Variants in PPT1 observed in about 807,000 individuals in gnomAD.
The protein encoded by PPT1 is ceroid-palmitoyl-palmitoyl-protein thioesterase 1.
Under a neutral mutation model 44.0 loss-of-function variants are expected in PPT1, and 24 were observed. That is an observed-to-expected ratio of 0.54 (90% confidence interval 0.39 to 0.77). The LOEUF (loss-of-function observed/expected upper bound fraction) is 0.77. Ranked by LOEUF, PPT1 falls within the 30% of genes least tolerant of loss-of-function variation. The pLI is 0.00. For synonymous variants in PPT1, 148 were observed against 140.2 expected, an observed-to-expected ratio of 1.06 and a Z score of -0.39; for missense variants, 341 against 378.8, an observed-to-expected ratio of 0.90 and a Z score of 0.83.
At chr1:40,075,958 CAAAAAAAAAAAAAA>C (rs56338772) in intron 8 of PPT1, among the ~76,000 whole-genome samples, 16 of 41,832 alleles carry the variant, frequency 3.8e-4, no homozygotes, top group Admixed American at 4.4e-4. Flanking sequence ...AAGACTGTCT[CAAAAAAAAAAAAAA>C]AAAAAAAAAA....
At chr1:40,071,954 G>C, downstream of PPT1, 1 of 409,352 alleles carries the variant, frequency 2.4e-6, no homozygotes, top group East Asian at 3.5e-5. Context: ...AGAAGCTGGT[G>C]TGTTTCCAGA....
intron 7 of PPT1, 46 bp downstream of exon 7, chr1:40,078,514 T>G: frequency 6.4e-7 from 1 of 1,570,076 alleles, no homozygotes; most frequent in Non-Finnish European, 8.8e-7. Flanking sequence ...CAGCCCTATT[T>G]TAATGCCATT....
chr1:40,072,194 A>G (rs1344855592), downstream of PPT1: 1 of 387,530 alleles, frequency 2.6e-6, no homozygotes, highest in Non-Finnish European at 4.5e-6. Flanking sequence ...GGAGTCTTGG[A>G]CCCTTTCTTT....
At chr1:40,080,520 C>G in intron 5 of PPT1, 33 bp from the exon 6 acceptor site, 1 of 1,600,840 alleles carries the variant, frequency 6.2e-7, no homozygotes, top group Non-Finnish European at 8.6e-7. Context: ...GGTGATCAAG[C>G]TACAGGTCAG....
chr1:40,072,401 A>G, downstream of PPT1: 1 of 250,616 alleles, frequency 4.0e-6, no homozygotes, highest in Non-Finnish European at 7.5e-6. Flanking sequence ...GCACCTGAAC[A>G]GAGGACTGAA....
intron 5 of PPT1, among the ~76,000 whole-genome samples, chr1:40,082,662 G>C (rs1192963750): frequency 6.6e-6 from 1 of 152,222 alleles, no homozygotes; most frequent in Non-Finnish European, 1.5e-5. Flanking sequence ...TGTGAAGCTA[G>C]CAGAGGTTGG....
chr1:40,085,546 C>T (rs543569571), intron 5 of PPT1, among the ~76,000 whole-genome samples: 1 of 152,226 alleles, frequency 6.6e-6, no homozygotes, highest in African/African-American at 2.4e-5. Context: ...AAAAACCCAC[C>T]GACCCTGTGG....
intron 7 of PPT1, among the ~76,000 whole-genome samples, chr1:40,077,251 C>T (rs754060146): frequency 1.4e-4 from 22 of 152,150 alleles, no homozygotes; most frequent in Non-Finnish European, 2.5e-4. Context: ...TTGCAAGGCA[C>T]GGAAACAATT....
intron 3 of PPT1, 124 bp downstream of exon 3, chr1:40,091,921 C>T: frequency 1.6e-6 from 2 of 1,218,496 alleles, no homozygotes; most frequent in Non-Finnish European, 2.3e-6. Flanking sequence ...TACACAGGAA[C>T]ATTTTAGGAA....
At position 40,073,689 on chromosome 1, in the gene PPT1, T is replaced by C. The variant is rs1648401936; in HGVS notation, c.*372A>G. The C allele has an allele frequency of 4.1e-6, 1 of 244,614 alleles. No individual in the cohort carries two copies. The highest frequency in any genetic ancestry group is 8.2e-6 in the Non-Finnish European group (1 of 121,926). 15.2% of individuals were successfully genotyped at this position (244,614 alleles called of 1,614,324 possible). On this transcript the variant is annotated 3_prime_UTR_variant, in exon 9 of 9. Coordinates refer to ENST00000642050, the MANE Select transcript of PPT1 (RefSeq NM_000310.4). ...CCTGGGCACCTCTTTGCTTGAAATATGGCAAGACTTGGAAAAATGTTTGCC... is the reference window on the plus strand; with the variant it reads ...CCTGGGCACCTCTTTGCTTGAAATACGGCAAGACTTGGAAAAATGTTTGCC...
intron 5 of PPT1, among the ~76,000 whole-genome samples, chr1:40,088,348 T>G (rs1649372657): frequency 6.6e-6 from 1 of 152,160 alleles, no homozygotes; most frequent in Non-Finnish European, 1.5e-5. Context: ...GATTTCACCA[T>G]GTTGGTTAGG....
At position 40,092,135 on chromosome 1, in the gene PPT1, T is replaced by G. The variant is rs386833639; in HGVS notation, c.272A>C (p.Gln91Pro). 5 of 1,613,994 alleles carry G rather than the reference T, an allele frequency of 3.1e-6. No homozygotes were observed. In the East Asian group the frequency reaches 8.9e-5, roughly 29 times the overall value. The change falls in exon 3 of 9, where the codon CAA (glutamine) becomes CCA (proline). Residue 91 changes from glutamine (Q) to proline (P), a missense_variant. By Grantham distance (76) the Gln-to-Pro change is moderately conservative (BLOSUM62 -1). Coordinates refer to ENST00000642050, the MANE Select transcript of PPT1 (RefSeq NM_000310.4). ...ENSFFLNVNS[Q>P]VTTVCQALAK... ...AAGTGCCTGACACACTGTTGTTACT[T>G]GGGAATTGACATTCAAGAAGAAGCT...
intron 5 of PPT1, among the ~76,000 whole-genome samples, chr1:40,084,938 C>T (rs74352093): frequency 0.048 from 7,365 of 152,212 alleles, 237 homozygotes; most frequent in East Asian, 0.11. Context: ...CCAAGCGGAC[C>T]GTGGTCTAGT....
rs1318283912 is a variant in PPT1 at position 40,089,518 on chromosome 1, G to T, written c.434-6C>A. 6.2e-7 allele frequency: 1 copy of T among 1,603,276 alleles called. No individual in the cohort carries two copies. On this transcript the variant is annotated splice_region_variant and splice_polypyrimidine_tract_variant and intron_variant, in intron 4 of 8. Coordinates refer to ENST00000642050, the MANE Select transcript of PPT1 (RefSeq NM_000310.4). ...TCGAGGGAGTCCAAAAACACCTACAGTGGTAGATGACAAATATCCACTCCT... is the reference window on the plus strand; with the variant it reads ...TCGAGGGAGTCCAAAAACACCTACATTGGTAGATGACAAATATCCACTCCT...
At chr1:40,096,699 G>A (rs1249895622) in intron 1 of PPT1, 1 of 212,250 alleles carries the variant, frequency 4.7e-6, no homozygotes, top group Non-Finnish European at 9.7e-6. Context: ...TTCAGATAAG[G>A]GTTACTCAAT....
At chr1:40,081,275 C>T (rs1030573915) in intron 5 of PPT1, among the ~76,000 whole-genome samples, 10 of 152,124 alleles carry the variant, frequency 6.6e-5, no homozygotes, top group Non-Finnish European at 1.5e-4. Flanking sequence ...GTGGCTCATG[C>T]TTATAATCCC....
At chr1:40,076,516 G>T in intron 8 of PPT1, 1 of 802,580 alleles carries the variant, frequency 1.2e-6, no homozygotes, top group Non-Finnish European at 1.5e-6. Flanking sequence ...TCCTGGATTT[G>T]TAGCAGACTG....
intron 4 of PPT1, 33 bp from the exon 5 acceptor site, chr1:40,089,545 C>T: frequency 6.7e-7 from 1 of 1,487,500 alleles, no homozygotes; most frequent in African/African-American, 1.4e-5. Context: ...TCCACTCCTT[C>T]AATAATGATG....
At chr1:40,087,050 C>T (rs1354198252) in intron 5 of PPT1, among the ~76,000 whole-genome samples, 1 of 151,994 alleles carries the variant, frequency 6.6e-6, no homozygotes, top group Non-Finnish European at 1.5e-5. Flanking sequence ...TCTGCTAAAA[C>T]AGTTCTCACA....
Sources: gnomAD v4.1 joint callset for allele counts (sites outside exome capture counted in the v4.1 genomes callset) on GRCh38, gnomAD v4.1.1 for gene constraint, MANE v1.5 for transcripts, NCBI Gene and HGNC (gene_info 2026-07-23, HGNC 2026-07-21) for gene names.